NRXN1: variants seen among roughly 807,000 people sequenced by gnomAD.
The protein encoded by NRXN1 is neurexin 1, also known as neurexin-1.
A neutral mutation model predicts 150.9 loss-of-function variants in NRXN1; 39 were observed. That is an observed-to-expected ratio of 0.26 (90% CI 0.20 to 0.34). NRXN1 has a LOEUF of 0.34. Ranked by LOEUF, NRXN1 falls within the 10% of genes least tolerant of loss-of-function variation. The pLI is 1.00. For synonymous variants in NRXN1, 924 were observed against 757.0 expected, an observed-to-expected ratio of 1.22 and a Z score of -3.62; for missense variants, 1,815 against 1,949.9, an observed-to-expected ratio of 0.93 and a Z score of 1.30.
chr2:50,876,937 T>C (rs896319406), intron 5 of NRXN1, among the ~76,000 whole-genome samples: 2 of 151,934 alleles, frequency 1.3e-5, no homozygotes, highest in Non-Finnish European at 2.9e-5. Flanking sequence ...TTTGCTTCTG[T>C]TAAAATCTTA....
intron 5 of NRXN1, among the ~76,000 whole-genome samples, chr2:50,839,683 C>T (rs1672602492): frequency 6.6e-6 from 1 of 152,094 alleles, no homozygotes; most frequent in Non-Finnish European, 1.5e-5. Context: ...ATGAGCTAGA[C>T]AGTCCTCTAT....
chr2:50,721,930 A>T (rs1205379309), intron 5 of NRXN1, among the ~76,000 whole-genome samples: 1 of 152,150 alleles, frequency 6.6e-6, no homozygotes, highest in Non-Finnish European at 1.5e-5. Flanking sequence ...ACACACCAGA[A>T]TTATTTAACA....
At chr2:50,932,997 T>C (rs912881755) in intron 2 of NRXN1, among the ~76,000 whole-genome samples, 2 of 152,074 alleles carry the variant, frequency 1.3e-5, no homozygotes, top group African/African-American at 4.8e-5. Flanking sequence ...CTCCCAGTCC[T>C]CTTCTCTAGA....
intron 18 of NRXN1, among the ~76,000 whole-genome samples, chr2:50,165,130 G>T (rs984284079): frequency 2.6e-5 from 4 of 152,036 alleles, no homozygotes; most frequent in Non-Finnish European, 5.9e-5. Context: ...ACCTCAATGG[G>T]TAACTGACCT....
chr2:50,736,353 T>C (rs77866337), intron 5 of NRXN1, among the ~76,000 whole-genome samples: 3 of 152,220 alleles, frequency 2.0e-5, no homozygotes, highest in Non-Finnish European at 2.9e-5. Context: ...GGGAGTCTCA[T>C]AGAGCTCTGT....
chr2:49,976,183 C>T (rs972782686), intron 21 of NRXN1, among the ~76,000 whole-genome samples: 10 of 131,814 alleles, frequency 7.6e-5, no homozygotes, highest in East Asian at 6.2e-4. Context: ...CCACCACGCC[C>T]AGCTAATTTT....
intron 18 of NRXN1, among the ~76,000 whole-genome samples, chr2:50,143,891 G>A (rs140634233): frequency 1.1e-3 from 173 of 151,984 alleles, no homozygotes; most frequent in African/African-American, 4.0e-3. Flanking sequence ...CAGAATGTAT[G>A]CTAATTCTAA....
intron 5 of NRXN1, among the ~76,000 whole-genome samples, chr2:50,827,828 A>G (rs1259356950): frequency 6.6e-6 from 1 of 150,586 alleles, no homozygotes; most frequent in Admixed American, 6.6e-5. Flanking sequence ...TGCTGCCTTC[A>G]AGCATCTGTT....
At chr2:50,927,064 G>A (rs904252218) in intron 2 of NRXN1, among the ~76,000 whole-genome samples, 2 of 151,990 alleles carry the variant, frequency 1.3e-5, no homozygotes, top group East Asian at 3.9e-4. Flanking sequence ...CTCTACCCAT[G>A]TTGACATTCT....
intron 2 of NRXN1, among the ~76,000 whole-genome samples, chr2:50,960,862 A>G (rs1693060639): frequency 6.6e-6 from 1 of 152,004 alleles, no homozygotes; most frequent in Non-Finnish European, 1.5e-5. Context: ...CAAGAAAATT[A>G]CTATTCTCTA....
At chr2:50,438,667 A>G (rs2085661290) in intron 17 of NRXN1, among the ~76,000 whole-genome samples, 1 of 152,180 alleles carries the variant, frequency 6.6e-6, no homozygotes, top group Admixed American at 6.5e-5. Context: ...TAGGATGAAA[A>G]AGATTCTCAA....
intron 17 of NRXN1, among the ~76,000 whole-genome samples, chr2:50,329,488 T>TA (rs2076603784): frequency 6.7e-6 from 1 of 148,980 alleles, no homozygotes; most frequent in Non-Finnish European, 1.5e-5. Flanking sequence ...CAGTGAGTAT[T>TA]AAAAATCTAA....
intron 15 of NRXN1, among the ~76,000 whole-genome samples, chr2:50,487,956 C>T (rs2090995982): frequency 6.6e-6 from 1 of 152,104 alleles, no homozygotes. Flanking sequence ...TCATGTACTC[C>T]CTATGTATAA....
intron 5 of NRXN1, among the ~76,000 whole-genome samples, chr2:50,699,990 C>T (rs982805125): frequency 6.6e-6 from 1 of 152,092 alleles, no homozygotes; most frequent in Non-Finnish European, 1.5e-5. Flanking sequence ...CTTTAACTTA[C>T]AAATTATGCA....
At chr2:49,948,031 A>T (rs1459704986) in intron 21 of NRXN1, among the ~76,000 whole-genome samples, 1 of 152,086 alleles carries the variant, frequency 6.6e-6, no homozygotes, top group Non-Finnish European at 1.5e-5. Context: ...CTCATGTTAA[A>T]ATTTGTATCA....
intron 2 of NRXN1, among the ~76,000 whole-genome samples, chr2:50,936,998 G>C (rs1466401341): frequency 6.6e-6 from 1 of 152,196 alleles, no homozygotes; most frequent in East Asian, 1.9e-4. Flanking sequence ...AAATTGGAGA[G>C]AGCAAGGTGC....
At chr2:50,294,097 A>G (rs1336568553) in intron 17 of NRXN1, among the ~76,000 whole-genome samples, 1 of 152,174 alleles carries the variant, frequency 6.6e-6, no homozygotes, top group Non-Finnish European at 1.5e-5. Flanking sequence ...AAAAGAACCA[A>G]ATTCCAATGA....
At chr2:50,264,424 G>A (rs1666040434) in intron 17 of NRXN1, among the ~76,000 whole-genome samples, 1 of 151,972 alleles carries the variant, frequency 6.6e-6, no homozygotes, top group African/African-American at 2.4e-5. Context: ...CCATGTACAG[G>A]TAAACGACAA....
intron 5 of NRXN1, among the ~76,000 whole-genome samples, chr2:50,860,779 T>C (rs934698407): frequency 2.5e-4 from 38 of 152,038 alleles, no homozygotes; most frequent in Non-Finnish European, 1.6e-4. Context: ...TGAGAGAGGA[T>C]AGGCATGGTC....
Sources: allele counts gnomAD v4.1 joint callset (sites outside exome capture counted in the v4.1 genomes callset), GRCh38; gene constraint gnomAD v4.1.1; transcripts MANE v1.5; gene names NCBI Gene and HGNC (gene_info 2026-07-23, HGNC 2026-07-21).